TRERF1: variants seen among roughly 807,000 people sequenced by gnomAD.
The protein encoded by TRERF1 is transcriptional-regulating factor 1.
Under a neutral mutation model 122.9 loss-of-function variants are expected in TRERF1, and 27 were observed. That is an observed-to-expected ratio of 0.22 (90% CI 0.16 to 0.30). The LOEUF (loss-of-function observed/expected upper bound fraction) is 0.30, where lower values mean the gene tolerates loss of function less well. Among genes scored for constraint, TRERF1 ranks in the 10% least tolerant of loss-of-function variants. The probability of loss-of-function intolerance (pLI) is 1.00; values close to 1 mark genes in which losing one functional copy is unlikely to be tolerated. For synonymous variants in TRERF1, 636 were observed against 641.7 expected (o/e 0.99, Z 0.13); for missense variants, 1,248 against 1,560.3 (o/e 0.80, Z 3.37).
chr6:42,279,393 G>A (rs1781876437), intron 4 of TRERF1, among the ~76,000 whole-genome samples: 1 of 152,194 alleles, frequency 6.6e-6, no homozygotes, highest in South Asian at 2.1e-4. Context: ...GGCAGGGCAG[G>A]GCAGGGCTGG....
At chr6:42,312,566 T>A (rs1312880439) in intron 3 of TRERF1, among the ~76,000 whole-genome samples, 1 of 151,818 alleles carries the variant, frequency 6.6e-6, no homozygotes, top group Non-Finnish European at 1.5e-5. Flanking sequence ...CCTCTCAGAG[T>A]GGTTATGATG....
chr6:42,416,043 T>C (rs16895706), intron 2 of TRERF1, among the ~76,000 whole-genome samples: 2,013 of 152,268 alleles, frequency 0.013, 39 homozygotes, highest in African/African-American at 0.045. Context: ...AGCTTATAAC[T>C]AGATATTTTA....
At chr6:42,280,229 G>C (rs1452890222) in intron 4 of TRERF1, among the ~76,000 whole-genome samples, 1 of 152,146 alleles carries the variant, frequency 6.6e-6, no homozygotes, top group East Asian at 1.9e-4. Flanking sequence ...AGGTCTTTTG[G>C]GGAATTCTGG....
intron 2 of TRERF1, among the ~76,000 whole-genome samples, chr6:42,368,134 GCCCGT>G (rs1773100354): frequency 6.6e-6 from 1 of 152,096 alleles, no homozygotes; most frequent in Non-Finnish European, 1.5e-5. Flanking sequence ...TCTCCCAAGT[GCCCGT>G]GGAATGGGCC....
chr6:42,341,958 C>T (rs1394577245), intron 3 of TRERF1, among the ~76,000 whole-genome samples: 3 of 152,184 alleles, frequency 2.0e-5, no homozygotes, highest in Non-Finnish European at 2.9e-5. Context: ...GCCATCTGCT[C>T]GGCTTAATGA....
At chr6:42,262,092 C>G (rs80097033) in intron 8 of TRERF1, among the ~76,000 whole-genome samples, 2,137 of 152,152 alleles carry the variant, frequency 0.014, 48 homozygotes, top group African/African-American at 0.048. Context: ...CCTGCCAAAG[C>G]ACGAACTTCC....
Position 42,263,816 on chromosome 6 carries a change from TA to T in TRERF1, c.1636-249del, listed in dbSNP as rs575674999. Among the ~76,000 whole-genome samples the T allele has an allele frequency of 2.2e-3, 339 of 152,312 alleles. No individual in the cohort carries two copies. Among genetic ancestry groups the T allele is most frequent in the African/African-American group, 7.8e-3 (325 of 41,586 alleles). On this transcript the variant is annotated intron_variant, in intron 7 of 17. Coordinates refer to ENST00000372922, the Ensembl canonical transcript of TRERF1. This position sits in a 1 kb window ranked among gnomAD's most constrained non-coding sequence, Gnocchi z 5.6. Reference sequence around the variant, plus strand: ...GCATTACTTGTGTATTAAACTATTTTAAAAAAATTGTGTGGTTGTCATGCTT... The same window carrying T: ...GCATTACTTGTGTATTAAACTATTTTAAAAAATTGTGTGGTTGTCATGCTT...
At chr6:42,323,397 C>T (rs1054136397) in intron 3 of TRERF1, among the ~76,000 whole-genome samples, 2 of 151,872 alleles carry the variant, frequency 1.3e-5, no homozygotes. Flanking sequence ...CGGGGTTTAA[C>T]CATATTGGCC....
intron 3 of TRERF1, among the ~76,000 whole-genome samples, chr6:42,319,510 GC>G (rs1324984281): frequency 2.0e-5 from 3 of 152,172 alleles, no homozygotes; most frequent in African/African-American, 4.8e-5. Flanking sequence ...ACCAATACAA[GC>G]TTTTAATTTG....
At chr6:42,367,847 A>T (rs1773039290) in intron 2 of TRERF1, among the ~76,000 whole-genome samples, 1 of 152,028 alleles carries the variant, frequency 6.6e-6, no homozygotes. Context: ...GAAGTGACAC[A>T]CAGAGGTCCC....
At chr6:42,363,329 G>T (rs534942347) in intron 2 of TRERF1, among the ~76,000 whole-genome samples, 9 of 152,166 alleles carry the variant, frequency 5.9e-5, no homozygotes, top group Admixed American at 2.6e-4. Context: ...AGTCATCATG[G>T]CTTTCCTCTT....
exon 18 of TRERF1, chr6:42,227,976 GTCT>G: frequency 5.7e-6 from 1 of 174,836 alleles, no homozygotes; most frequent in Non-Finnish European, 1.2e-5. Flanking sequence ...GGTCGCCTGC[GTCT>G]CACACACACA....
chr6:42,415,058 C>T (rs183221531), intron 2 of TRERF1, among the ~76,000 whole-genome samples: 375 of 152,282 alleles, frequency 2.5e-3, no homozygotes, highest in African/African-American at 8.2e-3. Flanking sequence ...GTCACCAAAT[C>T]AGTGTATTAT....
At chr6:42,247,565 C>T (rs1243526445) in intron 13 of TRERF1, among the ~76,000 whole-genome samples, 1 of 152,208 alleles carries the variant, frequency 6.6e-6, no homozygotes, top group Non-Finnish European at 1.5e-5. Context: ...GGAGCCAGTT[C>T]TTGACAGATT....
chr6:42,319,535 G>A (rs1401743764), intron 3 of TRERF1, among the ~76,000 whole-genome samples: 1 of 152,198 alleles, frequency 6.6e-6, no homozygotes, highest in Non-Finnish European at 1.5e-5. Context: ...GTTAAAAAAA[G>A]TATGAGCCTG....
intron 2 of TRERF1, among the ~76,000 whole-genome samples, chr6:42,380,681 T>C (rs767731016): frequency 6.6e-6 from 1 of 152,118 alleles, no homozygotes; most frequent in Non-Finnish European, 1.5e-5. Context: ...TTATAGCAAT[T>C]TCTCACTCCC....
intron 3 of TRERF1, among the ~76,000 whole-genome samples, chr6:42,304,942 G>A (rs1454743291): frequency 6.6e-6 from 1 of 152,136 alleles, no homozygotes; most frequent in Non-Finnish European, 1.5e-5. Context: ...AATGATTAGG[G>A]TCCTCTTGGA....
intron 2 of TRERF1, among the ~76,000 whole-genome samples, chr6:42,442,105 C>T (rs1361631446): frequency 3.3e-5 from 5 of 152,060 alleles, no homozygotes; most frequent in Non-Finnish European, 5.9e-5. Context: ...CAAAGAAAAG[C>T]GAACTCAAGC....
chr6:42,333,738 G>T (rs1207968021), intron 3 of TRERF1, among the ~76,000 whole-genome samples: 1 of 152,164 alleles, frequency 6.6e-6, no homozygotes, highest in Non-Finnish European at 1.5e-5. Flanking sequence ...GAAAATACAG[G>T]AGCCTCCGAG....
Sources: allele counts gnomAD v4.1 joint callset (sites outside exome capture counted in the v4.1 genomes callset), GRCh38; gene constraint gnomAD v4.1.1; non-coding constraint Gnocchi (gnomAD v3.1); transcripts MANE v1.5; gene names NCBI Gene and HGNC (gene_info 2026-07-23, HGNC 2026-07-21).